STIMATE: variants seen among roughly 807,000 people sequenced by gnomAD.
STIMATE encodes the protein store-operated calcium entry regulator STIMATE.
Under a neutral mutation model 36.7 loss-of-function variants are expected in STIMATE, and 15 were observed. The ratio of observed to expected loss-of-function variants is 0.41; its 90% CI spans 0.27 to 0.63. The LOEUF (loss-of-function observed/expected upper bound fraction) is 0.63, where lower values mean the gene tolerates loss of function less well. Ranked by LOEUF, STIMATE falls within the 20% of genes least tolerant of loss-of-function variation. STIMATE has a pLI of 0.32. For synonymous variants in STIMATE, 163 were observed against 162.3 expected (o/e 1.00, Z -0.03); for missense variants, 305 against 397.3 (o/e 0.77, Z 1.98).
chr3:52,851,979 G>A (rs1701008134), intron 3 of STIMATE, among the ~76,000 whole-genome samples: 1 of 152,176 alleles, frequency 6.6e-6, no homozygotes, highest in African/African-American at 2.4e-5. Context: ...ATTAATATAT[G>A]GCAGGCTGCT....
intron 1 of STIMATE, among the ~76,000 whole-genome samples, chr3:52,869,484 A>C (rs1160278007): frequency 6.6e-6 from 1 of 152,170 alleles, no homozygotes; most frequent in African/African-American, 2.4e-5. Flanking sequence ...ATTCTTCCAG[A>C]TTGTTCCCAC....
chr3:52,846,832 C>T (rs1438041453), intron 4 of STIMATE, among the ~76,000 whole-genome samples: 2 of 152,314 alleles, frequency 1.3e-5, no homozygotes, highest in Non-Finnish European at 2.9e-5. Context: ...GCGAGTCTTT[C>T]AGATGTCCCC....
At chr3:52,864,373 C>T (rs1701267480) in intron 1 of STIMATE, among the ~76,000 whole-genome samples, 1 of 152,184 alleles carries the variant, frequency 6.6e-6, no homozygotes, top group South Asian at 2.1e-4. Context: ...CCCTTTCAGC[C>T]ATGGCTGGAG....
chr3:52,887,870 T>G (rs958296834), intron 1 of STIMATE, among the ~76,000 whole-genome samples: 18 of 152,174 alleles, frequency 1.2e-4, no homozygotes, highest in Non-Finnish European at 4.4e-5. Context: ...GGTTTTTACC[T>G]ATTTAGAATA....
In STIMATE at chr3:52,867,881, C is replaced by T. The variant is rs145208082; in HGVS notation, c.161-12437G>A. Among the ~76,000 whole-genome samples the T allele has an allele frequency of 7.2e-3, 1,090 of 152,272 alleles. 113 individuals are homozygous for T. The South Asian group carries it at 0.2, about 28-fold the overall frequency. ...GAGCCGCAAAGAAAGCCAAGTCACC[C>T]GGGCCAAGCCTTTCTCTAACCAGCA... On this transcript the variant is annotated intron_variant, in intron 1 of 7. Transcript: ENST00000355083.
chr3:52,843,569 C>G, intron 6 of STIMATE, 152 bp downstream of exon 6: 1 of 1,196,904 alleles, frequency 8.4e-7, no homozygotes, highest in Non-Finnish European at 1.2e-6. Flanking sequence ...GGTAATCCTG[C>G]CATTTCCAGG....
At chr3:52,845,936 G>A (rs56044004) in intron 4 of STIMATE, among the ~76,000 whole-genome samples, 120,520 of 135,076 alleles carry the variant, frequency 0.89, 55,642 homozygotes, top group Non-Finnish European at 1. Flanking sequence ...TTTTGGGGGT[G>A]GCGGGGGGGC....
intron 1 of STIMATE, among the ~76,000 whole-genome samples, chr3:52,884,953 T>G (rs1392626907): frequency 6.6e-6 from 1 of 152,238 alleles, no homozygotes; most frequent in African/African-American, 2.4e-5. Flanking sequence ...TGCTGAGTTG[T>G]ATGGTACATT....
chr3:52,863,474 G>C (rs1021959560), intron 1 of STIMATE, among the ~76,000 whole-genome samples: 1 of 152,164 alleles, frequency 6.6e-6, no homozygotes, highest in Non-Finnish European at 1.5e-5. Context: ...CAACATGTGG[G>C]AATTATGGGA....
intron 1 of STIMATE, among the ~76,000 whole-genome samples, chr3:52,878,587 A>G (rs1216504112): frequency 1.3e-5 from 2 of 152,136 alleles, no homozygotes; most frequent in Non-Finnish European, 2.9e-5. Flanking sequence ...TGGCTACACT[A>G]TCTCTGTTCC....
At chr3:52,881,594 T>C (rs1701606435) in intron 1 of STIMATE, among the ~76,000 whole-genome samples, 1 of 151,594 alleles carries the variant, frequency 6.6e-6, no homozygotes, top group South Asian at 2.1e-4. Context: ...CCCAGCTACT[T>C]GGGAGGCTGA....
chr3:52,856,402 C>T (rs4687676), intron 1 of STIMATE, among the ~76,000 whole-genome samples: 122,482 of 152,080 alleles, frequency 0.81, 50,129 homozygotes, highest in East Asian at 0.95. Context: ...GCTCTATGGC[C>T]GGGTGTGGTG....
chr3:52,880,790 A>ACATG (rs1220883913), intron 1 of STIMATE, among the ~76,000 whole-genome samples: 4 of 152,244 alleles, frequency 2.6e-5, no homozygotes, highest in Non-Finnish European at 1.5e-5. Flanking sequence ...TTTGACTCCC[A>ACATG]CATGCAATTC....
At position 52,852,320 on chromosome 3, in the gene STIMATE, A is replaced by C. The variant is rs563652747; in HGVS notation, c.305+283T>G. On this transcript the variant is annotated intron_variant, in intron 3 of 7. Transcript: ENST00000355083. ...CCAGGGGCGGCTTGGAAACTGGGAG[A>C]CATAAGGACACTAGAAAATCAAAGG... 8.3e-4 allele frequency among the ~76,000 whole-genome samples: 126 copies of C among 152,314 alleles called. No individual in the cohort carries two copies. In the Middle Eastern group the frequency reaches 0.017, roughly 21 times the overall value.
At position 52,839,492 on chromosome 3, in the gene STIMATE, C is replaced by T. The variant is rs1700759850; in HGVS notation, c.*1002G>A. Reference sequence around the variant, plus strand: ...TGGAAACAAAGACCTCTTAGCTAAGCTCCTTTCTTGGTCAAATTTAACTAA... The same window carrying T: ...TGGAAACAAAGACCTCTTAGCTAAGTTCCTTTCTTGGTCAAATTTAACTAA... On this transcript the variant is annotated 3_prime_UTR_variant, in exon 8 of 8. Coordinates refer to ENST00000355083, the MANE Select transcript of STIMATE (RefSeq NM_198563.5). The T allele has an allele frequency of 1.3e-5, 2 of 152,342 alleles. No individual in the cohort carries two copies. The highest frequency in any genetic ancestry group is 4.1e-4 in the South Asian group (2 of 4,822). The allele number at this position is 152,342 out of a possible 1,614,324, so 9.4% of individuals were successfully genotyped here.
chr3:52,843,172 A>C, intron 6 of STIMATE: 1 of 963,680 alleles, frequency 1.0e-6, no homozygotes, highest in Non-Finnish European at 1.5e-6. Flanking sequence ...AGAGTGTGCA[A>C]GGAACGTGCC....
At chr3:52,877,823 T>C (rs139778374) in intron 1 of STIMATE, among the ~76,000 whole-genome samples, 4,490 of 152,138 alleles carry the variant, frequency 0.03, 220 homozygotes, top group African/African-American at 0.1. Flanking sequence ...TGGCCGGGTG[T>C]GGTGGCTCAC....
chr3:52,858,390 TAAG>T (rs757010261), intron 1 of STIMATE, among the ~76,000 whole-genome samples: 1 of 151,902 alleles, frequency 6.6e-6, no homozygotes, highest in Non-Finnish European at 1.5e-5. Flanking sequence ...AATCCAAACT[TAAG>T]GAGTGGATTG....
At chr3:52,843,040 C>T in intron 6 of STIMATE, 80 bp from the exon 7 acceptor site, 1 of 1,587,806 alleles carries the variant, frequency 6.3e-7, no homozygotes, top group Non-Finnish European at 8.6e-7. Flanking sequence ...TCCGCCCACT[C>T]CCATTCCAGG....
Sources: allele counts gnomAD v4.1 joint callset (sites outside exome capture counted in the v4.1 genomes callset), GRCh38; gene constraint gnomAD v4.1.1; transcripts MANE v1.5; gene names NCBI Gene and HGNC (gene_info 2026-07-23, HGNC 2026-07-21).